The following NRCAM variants were observed in gnomAD, a reference collection of about 807,000 sequenced individuals.
The protein encoded by NRCAM is NgCAM-related cell adhesion molecule.
In NRCAM, 83 loss-of-function variants were observed where a neutral mutation model predicts 156.5. The observed-to-expected ratio is 0.53, with a 90% confidence interval of 0.44 to 0.64. The LOEUF is 0.64. NRCAM is among the 30% of genes least tolerant of loss of function. The pLI is 0.00. For missense variants in NRCAM, 1,417 were observed against 1,597.3 expected (o/e 0.89, Z 1.92); for synonymous variants, 538 against 563.9 (o/e 0.95, Z 0.65).
intron 2 of NRCAM, among the ~76,000 whole-genome samples, chr7:108,322,136 A>C (rs967646605): frequency 2.0e-5 from 3 of 152,052 alleles, no homozygotes; most frequent in Non-Finnish European, 2.9e-5. Context: ...AAACAGTTGG[A>C]TAAAGACTAG....
intron 2 of NRCAM, among the ~76,000 whole-genome samples, chr7:108,337,577 T>A (rs531560224): frequency 9.9e-4 from 151 of 152,304 alleles, no homozygotes; most frequent in Non-Finnish European, 1.8e-3. Flanking sequence ...TTCATCCTAA[T>A]TGAGCTGAAC....
At chr7:108,171,354 C>T (rs1043046913) in intron 28 of NRCAM, among the ~76,000 whole-genome samples, 10 of 152,154 alleles carry the variant, frequency 6.6e-5, no homozygotes, top group African/African-American at 2.4e-4. Flanking sequence ...CATTCATGGC[C>T]CTTCAGAGCT....
chr7:108,162,785 GCA>G (rs1391006834), intron 30 of NRCAM, among the ~76,000 whole-genome samples: 2 of 152,114 alleles, frequency 1.3e-5, no homozygotes, highest in African/African-American at 2.4e-5. Context: ...GTGCATGTGT[GCA>G]CACACACAGT....
In NRCAM at chr7:108,361,747, C is replaced by T. The variant is rs114692703; in HGVS notation, c.-174+37689G>A. ...AGCCAGTCTCCACAATTGAGTGAGC[C>T]AGCCAAATCTCTTTATTATATATGT... On this transcript the variant is annotated intron_variant, in intron 2 of 32. Coordinates refer to ENST00000379028, the MANE Select transcript of NRCAM (RefSeq NM_001037132.4). 2.0e-3 allele frequency among the ~76,000 whole-genome samples: 312 copies of T among 152,198 alleles called. 1 individual carries two copies. The highest frequency in any genetic ancestry group is 7.2e-3 in the African/African-American group (298 of 41,526).
At chr7:108,395,169 C>G (rs1185890609) in intron 2 of NRCAM, among the ~76,000 whole-genome samples, 1 of 152,180 alleles carries the variant, frequency 6.6e-6, no homozygotes, top group Non-Finnish European at 1.5e-5. Flanking sequence ...CCTTGCTATT[C>G]TATTAACTAA....
intron 3 of NRCAM, among the ~76,000 whole-genome samples, chr7:108,303,102 C>T (rs1274876387): frequency 6.6e-6 from 1 of 152,166 alleles, no homozygotes; most frequent in Non-Finnish European, 1.5e-5. Flanking sequence ...GCTGGGATTA[C>T]AGACACGTGC....
In NRCAM at chr7:108,240,058, G is replaced by C. The variant is rs1170439382; in HGVS notation, c.7C>G (p.Leu3Val). 7.5e-6 allele frequency: 12 copies of C among 1,609,778 alleles called. No homozygotes were observed. Among genetic ancestry groups the C allele is most frequent in the Non-Finnish European group, 1.0e-5 (12 of 1,176,542 alleles). ...CGCTTCTTTTTCGGCATTATTTTAA[G>C]CTGCATTAGCTTAACTCCTGCTGAG... Reference protein sequence around the residue: MQLKIMPKKKRLS... With the variant: MQVKIMPKKKRLS... The change falls in exon 4 of 33, where the codon CTT becomes GTT. Residue 3 changes from leucine (L) to valine (V), a missense_variant. Coordinates refer to ENST00000379028, the MANE Select transcript of NRCAM (RefSeq NM_001037132.4).
At chr7:108,414,773 A>C (rs947023001) in intron 1 of NRCAM, among the ~76,000 whole-genome samples, 14 of 152,192 alleles carry the variant, frequency 9.2e-5, no homozygotes, top group Admixed American at 5.9e-4. Flanking sequence ...GGCTTAAAAA[A>C]ACGCTGGGAA....
At chr7:108,453,985 G>A (rs1436834116) in intron 1 of NRCAM, among the ~76,000 whole-genome samples, 1 of 152,092 alleles carries the variant, frequency 6.6e-6, no homozygotes, top group Admixed American at 6.6e-5. Flanking sequence ...GACATTCAGG[G>A]CTGGGGACCT....
At chr7:108,410,500 T>C (rs906744367) in intron 1 of NRCAM, among the ~76,000 whole-genome samples, 1 of 152,208 alleles carries the variant, frequency 6.6e-6, no homozygotes, top group African/African-American at 2.4e-5. Context: ...TGGGGCACTT[T>C]CAAAAACAGT....
At chr7:108,389,466 G>A (rs979946507) in intron 2 of NRCAM, among the ~76,000 whole-genome samples, 1 of 152,134 alleles carries the variant, frequency 6.6e-6, no homozygotes, top group African/African-American at 2.4e-5. Context: ...CTCAGATGAT[G>A]GGGTTTTCTA....
chr7:108,155,582 C>T (rs2044857613), intron 32 of NRCAM, among the ~76,000 whole-genome samples: 1 of 151,982 alleles, frequency 6.6e-6, no homozygotes, highest in African/African-American at 2.4e-5. Context: ...TCCCTTGGTA[C>T]CTTAGTTATA....
At chr7:108,204,082 G>A (rs2079683802) in intron 13 of NRCAM, among the ~76,000 whole-genome samples, 1 of 152,186 alleles carries the variant, frequency 6.6e-6, no homozygotes, top group South Asian at 2.1e-4. Flanking sequence ...TGGGAAGCAA[G>A]CACTGGTGCT....
At chr7:108,440,137 C>A (rs1478551720) in intron 1 of NRCAM, among the ~76,000 whole-genome samples, 1 of 152,040 alleles carries the variant, frequency 6.6e-6, no homozygotes, top group Non-Finnish European at 1.5e-5. Context: ...CTGGTGAATA[C>A]GTAAACTCAA....
chr7:108,323,189 T>C (rs544299862), intron 2 of NRCAM, among the ~76,000 whole-genome samples: 20 of 152,308 alleles, frequency 1.3e-4, no homozygotes, highest in South Asian at 4.1e-4. Context: ...GCTTGAAAAA[T>C]TGCACAGATC....
At chr7:108,372,962 C>A (rs534268432) in intron 2 of NRCAM, among the ~76,000 whole-genome samples, 14 of 152,118 alleles carry the variant, frequency 9.2e-5, no homozygotes, top group South Asian at 8.3e-4. Context: ...TGCCCATCAA[C>A]AGATAAATGG....
At chr7:108,300,054 G>A (rs1402894160) in intron 3 of NRCAM, among the ~76,000 whole-genome samples, 1 of 150,814 alleles carries the variant, frequency 6.6e-6, no homozygotes, top group Non-Finnish European at 1.5e-5. Flanking sequence ...TTTTACTACA[G>A]TAGAACATAT....
At chr7:108,240,881 C>T (rs191540002) in intron 3 of NRCAM, among the ~76,000 whole-genome samples, 4 of 152,260 alleles carry the variant, frequency 2.6e-5, no homozygotes, top group Admixed American at 2.6e-4. Flanking sequence ...ACCTGATTTC[C>T]TTTTATTTCC....
chr7:108,193,916 A>T, intron 17 of NRCAM, 108 bp downstream of exon 17: 1 of 1,106,374 alleles, frequency 9.0e-7, no homozygotes, highest in Non-Finnish European at 1.3e-6. Flanking sequence ...GAGACAGCAG[A>T]CTTCAGAAAC....
Sources: allele counts gnomAD v4.1 joint callset (sites outside exome capture counted in the v4.1 genomes callset), GRCh38; gene constraint gnomAD v4.1.1; transcripts MANE v1.5; gene names NCBI Gene and HGNC (gene_info 2026-07-23, HGNC 2026-07-21).